Variants in CMIP observed in about 807,000 individuals in gnomAD.
CMIP encodes the protein c-Maf inducing protein, also known as C-Maf-inducing protein.
In CMIP, 13 loss-of-function variants were observed where a neutral mutation model predicts 97.3. That is an observed-to-expected ratio of 0.13 (90% CI 0.09 to 0.21). CMIP has a LOEUF of 0.21. CMIP is among the 10% of genes least tolerant of loss of function. The probability of loss-of-function intolerance (pLI) is 1.00; values close to 1 mark genes in which losing one functional copy is unlikely to be tolerated. For missense variants in CMIP, 847 were observed against 1,024.9 expected (o/e 0.83, Z 2.37); for synonymous variants, 538 against 436.3 (o/e 1.23, Z -2.91).
At chr16:81,605,567 A>G (rs1036553750) in intron 1 of CMIP, among the ~76,000 whole-genome samples, 1 of 152,064 alleles carries the variant, frequency 6.6e-6, no homozygotes, top group African/African-American at 2.4e-5. Flanking sequence ...TCCAGGAGTG[A>G]CCCACCCTTC....
At chr16:81,575,399 C>G (rs750949873) in intron 1 of CMIP, among the ~76,000 whole-genome samples, 5 of 152,188 alleles carry the variant, frequency 3.3e-5, no homozygotes, top group Non-Finnish European at 7.3e-5. Context: ...GTCACTGGCC[C>G]TCCTTTTCTA....
At chr16:81,483,191 G>A (rs1314506302) in intron 1 of CMIP, among the ~76,000 whole-genome samples, 1 of 152,234 alleles carries the variant, frequency 6.6e-6, no homozygotes, top group Non-Finnish European at 1.5e-5. Context: ...ATCTGGATGA[G>A]AGGTGACACT....
At chr16:81,659,268 T>G (rs1447536805) in intron 5 of CMIP, among the ~76,000 whole-genome samples, 1 of 152,186 alleles carries the variant, frequency 6.6e-6, no homozygotes, top group Non-Finnish European at 1.5e-5. Flanking sequence ...ACTTGAGGCC[T>G]GCCATTGAGG....
chr16:81,527,462 G>A (rs2090154560), intron 1 of CMIP, among the ~76,000 whole-genome samples: 1 of 151,994 alleles, frequency 6.6e-6, no homozygotes, highest in South Asian at 2.1e-4. Flanking sequence ...TCTTTTTATT[G>A]AAGTATTACT....
intron 1 of CMIP, among the ~76,000 whole-genome samples, chr16:81,572,220 C>G (rs1026209539): frequency 6.6e-6 from 1 of 152,258 alleles, no homozygotes; most frequent in African/African-American, 2.4e-5. Context: ...TTTCTGGCAA[C>G]TGCCTCAGAC....
intron 19 of CMIP, among the ~76,000 whole-genome samples, chr16:81,706,461 T>A (rs1908151608): frequency 6.6e-6 from 1 of 152,136 alleles, no homozygotes; most frequent in Non-Finnish European, 1.5e-5. Flanking sequence ...TGGCTGCAAA[T>A]GCAGATGCGC....
Position 81,575,182 on chromosome 16 carries a change from C to G in CMIP, c.301-32385C>G, listed in dbSNP as rs567594960. ...ACCTTCACAACAAATGTACAAAAGA[C>G]CTATTATTATCCCCAGTTTATGGAG... On this transcript the variant is annotated intron_variant, in intron 1 of 20. Transcript: ENST00000537098. 2.0e-5 allele frequency among the ~76,000 whole-genome samples: 3 copies of G among 152,280 alleles called. No individual in the cohort carries two copies. In the South Asian group the frequency reaches 6.2e-4, roughly 32 times the overall value.
chr16:81,474,715 T>C (rs902039049), intron 1 of CMIP, among the ~76,000 whole-genome samples: 2 of 152,240 alleles, frequency 1.3e-5, no homozygotes, highest in African/African-American at 4.8e-5. Flanking sequence ...GCCGTGCTCA[T>C]GGCGCCCTCC....
intron 1 of CMIP, among the ~76,000 whole-genome samples, chr16:81,551,815 C>T (rs1295642347): frequency 6.6e-6 from 1 of 152,192 alleles, no homozygotes; most frequent in Non-Finnish European, 1.5e-5. Context: ...CCCCTGGATG[C>T]ATGTGGGTGA....
chr16:81,710,030 G>A lies in CMIP; in HGVS notation c.*231G>A, dbSNP rs1908586984. ...ATTGGAACCTTTGACCTGATCTAAA[G>A]TGGACTTTGTAGCAACAAGAGGAGC... On this transcript the variant is annotated 3_prime_UTR_variant, in exon 21 of 21. Coordinates refer to ENST00000537098, the MANE Select transcript of CMIP (RefSeq NM_198390.3). 3.0e-6 allele frequency: 1 copy of A among 329,810 alleles called. No individual in the cohort carries two copies. The highest frequency in any genetic ancestry group is 5.8e-6 in the Non-Finnish European group (1 of 172,976). 20.4% of individuals were successfully genotyped at this position (329,810 alleles called of 1,614,324 possible).
intron 10 of CMIP, among the ~76,000 whole-genome samples, chr16:81,685,010 G>A (rs1378093405): frequency 3.3e-5 from 5 of 152,226 alleles, no homozygotes; most frequent in Non-Finnish European, 5.9e-5. Flanking sequence ...GTCCTGTGCC[G>A]AGGCCCGTCA....
At chr16:81,511,106 C>A (rs187118198) in intron 1 of CMIP, among the ~76,000 whole-genome samples, 28 of 152,262 alleles carry the variant, frequency 1.8e-4, no homozygotes, top group African/African-American at 6.3e-4. Context: ...TCAACAGTTC[C>A]CAGCTTATGA....
intron 2 of CMIP, among the ~76,000 whole-genome samples, chr16:81,618,300 G>A (rs1304450165): frequency 2.0e-5 from 3 of 152,090 alleles, no homozygotes; most frequent in African/African-American, 7.2e-5. Context: ...CTTGGCTCAT[G>A]GCCACATCAC....
intron 3 of CMIP, chr16:81,645,407 C>G (rs1218389146): frequency 6.8e-7 from 1 of 1,477,592 alleles, no homozygotes; most frequent in Non-Finnish European, 9.0e-7. Context: ...AGCAGCAGAG[C>G]AGCAGCCCCT....
At chr16:81,598,472 A>G (rs546857499) in intron 1 of CMIP, among the ~76,000 whole-genome samples, 7 of 152,242 alleles carry the variant, frequency 4.6e-5, no homozygotes, top group Non-Finnish European at 1.0e-4. Context: ...ATCACAGACG[A>G]TCCTGTAGGG....
At chr16:81,560,258 G>A (rs1221756990) in intron 1 of CMIP, among the ~76,000 whole-genome samples, 2 of 148,958 alleles carry the variant, frequency 1.3e-5, no homozygotes, top group African/African-American at 5.0e-5. Flanking sequence ...TCGCTCCGTC[G>A]CCCAGGCTGG....
At chr16:81,538,067 A>C (rs1378169019) in intron 1 of CMIP, among the ~76,000 whole-genome samples, 1 of 152,242 alleles carries the variant, frequency 6.6e-6, no homozygotes, top group African/African-American at 2.4e-5. Context: ...CACACACACC[A>C]CAGTCTCGTT....
intron 10 of CMIP, among the ~76,000 whole-genome samples, chr16:81,681,553 A>G (rs1252135695): frequency 6.6e-6 from 1 of 152,136 alleles, no homozygotes; most frequent in Non-Finnish European, 1.5e-5. Flanking sequence ...CAGAGCAGAC[A>G]CCTCTGCGAG....
At chr16:81,658,776 G>A (rs1485786498) in intron 5 of CMIP, among the ~76,000 whole-genome samples, 1 of 152,226 alleles carries the variant, frequency 6.6e-6, no homozygotes, top group Admixed American at 6.5e-5. Context: ...TGCCCAGGAG[G>A]GGACCTTGGA....
Sources: allele counts gnomAD v4.1 joint callset (sites outside exome capture counted in the v4.1 genomes callset), GRCh38; gene constraint gnomAD v4.1.1; transcripts MANE v1.5; gene names NCBI Gene and HGNC (gene_info 2026-07-23, HGNC 2026-07-21).